The following ZNF761 variants were observed in gnomAD, a reference collection of about 807,000 sequenced individuals.
The protein encoded by ZNF761 is zinc finger protein 761.
A neutral mutation model predicts 59.9 loss-of-function variants in ZNF761; 43 were observed. The observed-to-expected ratio is 0.72, with a 90% CI of 0.56 to 0.92. The LOEUF (loss-of-function observed/expected upper bound fraction) is 0.92. ZNF761 is among the 40% of genes least tolerant of loss of function. ZNF761 has a pLI of 0.00. For synonymous variants in ZNF761, 294 were observed against 304.8 expected (o/e 0.96, Z 0.37); for missense variants, 850 against 906.1 (o/e 0.94, Z 0.79).
chr19:53,435,289 C>CTTTTTTTTGTTTTTTTTTT (rs2086027126), intron 1 of ZNF761, among the ~76,000 whole-genome samples: 1 of 53,590 alleles, frequency 1.9e-5, no homozygotes, highest in African/African-American at 8.1e-5. Flanking sequence ...AATACAAGTC[C>CTTTTTTTTGTTTTTTTTTT]TTTTTTTTTT....
intron 2 of ZNF761, among the ~76,000 whole-genome samples, chr19:53,446,781 C>T (rs182976154): frequency 7.2e-5 from 11 of 152,278 alleles, no homozygotes; most frequent in Admixed American, 1.3e-4. Flanking sequence ...GTAGCTTGGA[C>T]AACCATGCCT....
chr19:53,455,419 C>T lies in ZNF761; in HGVS notation c.912C>T (p.Asp304=). The T allele has an allele frequency of 6.2e-7, 1 of 1,613,498 alleles. No homozygotes were observed. Among genetic ancestry groups the T allele is most frequent in the Middle Eastern group, 1.6e-4 (1 of 6,062 alleles). Residue 304 remains aspartate (D), a synonymous_variant, in exon 5 of 5, where the codon GAC becomes GAT. Transcript: ENST00000684525. ...GEKPYKCEEC[D]KAFHFKSILE... Reference sequence around the variant, plus strand: ...AACCTTACAAATGTGAAGAATGTGACAAAGCTTTCCATTTCAAATCAATAC... The same window carrying T: ...AACCTTACAAATGTGAAGAATGTGATAAAGCTTTCCATTTCAAATCAATAC...
chr19:53,450,650 GCTA>G (rs1396384055), intron 4 of ZNF761, among the ~76,000 whole-genome samples: 2 of 152,002 alleles, frequency 1.3e-5, no homozygotes, highest in Admixed American at 1.3e-4. Flanking sequence ...TGTCGCCAAG[GCTA>G]CAGTTCAGTG....
intron 1 of ZNF761, among the ~76,000 whole-genome samples, chr19:53,433,030 T>C (rs58354543): frequency 0.62 from 90,242 of 146,268 alleles, 27,601 homozygotes; most frequent in African/African-American, 0.75. Context: ...TCTGGGGTGC[T>C]AGAGAGTGGG....
chr19:53,440,387 A>C (rs1405935854), intron 1 of ZNF761, among the ~76,000 whole-genome samples: 1 of 152,178 alleles, frequency 6.6e-6, no homozygotes, highest in African/African-American at 2.4e-5. Flanking sequence ...TTCACTGGGT[A>C]TGATTACTTG....
At chr19:53,443,327 A>G (rs2086119815) in intron 1 of ZNF761, 1 of 153,404 alleles carries the variant, frequency 6.5e-6, no homozygotes, top group African/African-American at 2.4e-5. Context: ...GATGGGATGG[A>G]TTGGCATGGA....
intron 1 of ZNF761, among the ~76,000 whole-genome samples, chr19:53,440,932 T>A (rs1321162162): frequency 6.6e-6 from 1 of 152,196 alleles, no homozygotes; most frequent in Non-Finnish European, 1.5e-5. Context: ...TGCCTTGGCC[T>A]CCCAAAATAC....
In ZNF761 at chr19:53,454,523, C is replaced by T. The variant is rs2147142539; in HGVS notation, c.143-127C>T. 9.5e-6 allele frequency: 9 copies of T among 946,138 alleles called. 1 individual carries two copies. In the South Asian group the frequency reaches 2.1e-4, roughly 22 times the overall value. 58.6% of individuals were successfully genotyped at this position (946,138 alleles called of 1,614,324 possible). On this transcript the variant is annotated intron_variant, in intron 4 of 4. Transcript: ENST00000684525. ...TTAAAGAATCTTATGCTTTTCTGTT[C>T]CTAAACTTTGAGGGTCATGTTTGGA...
In ZNF761 at chr19:53,454,764, G is replaced by C. The variant is rs1190057233; in HGVS notation, c.257G>C (p.Cys86Ser). ...GAAAGTCATCACAATGGAGATTTTT[G>C]CTACCAGGATGTTGATAAAGATATT... ...IHESHHNGDFCYQDVDKDIHD... is the reference protein window; with the variant it reads ...IHESHHNGDFSYQDVDKDIHD... The change falls in exon 5 of 5, where the codon TGC becomes TCC. Residue 86 changes from cysteine to serine, a missense_variant. Coordinates refer to ENST00000684525, the MANE Select transcript of ZNF761 (RefSeq NM_001289951.2). 1.2e-6 allele frequency: 2 copies of C among 1,613,964 alleles called. No individual in the cohort carries two copies. Among genetic ancestry groups the C allele is most frequent in the Non-Finnish European group, 1.7e-6 (2 of 1,180,018 alleles).
intron 4 of ZNF761, among the ~76,000 whole-genome samples, chr19:53,451,461 G>A (rs914347598): frequency 5.9e-5 from 9 of 152,082 alleles, no homozygotes; most frequent in African/African-American, 1.4e-4. Context: ...CACCAACCTC[G>A]GCCTCCTAAA....
chr19:53,449,930 G>C (rs960446114), intron 4 of ZNF761: 86 of 582,750 alleles, frequency 1.5e-4, no homozygotes, highest in Middle Eastern at 4.5e-4. Flanking sequence ...GAGCTCAAGA[G>C]ATCCTCCTCA....
rs756835913 is a variant in ZNF761 at position 53,455,241 on chromosome 19, A to T, written c.734A>T (p.Asp245Val). The change falls in exon 5 of 5, where the codon GAT becomes GTT. Residue 245 changes from aspartate to valine, a missense_variant. Asp to Val is a radical substitution (Grantham distance 152, BLOSUM62 -3). Transcript: ENST00000684525. ...IIHLADKYKC[D>V]VCGKLFNQKR... ...CATTTAGCAGACAAATATAAATGTG[A>T]TGTATGTGGCAAGCTCTTTAATCAG... 1.2e-6 allele frequency: 2 copies of T among 1,614,202 alleles called. No individual in the cohort carries two copies. The highest frequency in any genetic ancestry group is 2.2e-5 in the East Asian group (1 of 44,884).
rs2086274539 is a variant in ZNF761 at position 53,456,582 on chromosome 19, G to T, written c.2075G>T (p.Cys692Phe). The T allele has an allele frequency of 1.9e-6, 3 of 1,612,952 alleles. No individual in the cohort carries two copies. The highest frequency in any genetic ancestry group is 2.5e-6 in the Non-Finnish European group (3 of 1,179,278). The change falls in exon 5 of 5, where the codon TGT becomes TTT. Residue 692 changes from cysteine to phenylalanine, a missense_variant. Physicochemically the swap from Cys to Phe is radical, Grantham distance 205 (BLOSUM62 -2). Transcript: ENST00000684525. The stretch of plus-strand genomic sequence containing the variant: ...CATACTGGAGAGAAACCTTATAAGT[G>T]TAATGAGTGTGGCAAGAACTTTAGT... ...RLHTGEKPYK[C>F]NECGKNFSQK...
chr19:53,435,643 T>C (rs557407039), intron 1 of ZNF761, among the ~76,000 whole-genome samples: 6 of 152,084 alleles, frequency 3.9e-5, no homozygotes, highest in African/African-American at 1.4e-4. Flanking sequence ...TGTACACTCA[T>C]AATAAGTATG....
intron 1 of ZNF761, among the ~76,000 whole-genome samples, chr19:53,433,333 C>T (rs892694328): frequency 2.0e-5 from 3 of 151,128 alleles, no homozygotes; most frequent in Admixed American, 6.6e-5. Flanking sequence ...CTGGTGGCCT[C>T]GTAGCTGAGT....
In ZNF761 at chr19:53,450,901, A is replaced by C. The variant is rs556180754; in HGVS notation, c.142+1263A>C. Among the ~76,000 whole-genome samples the C allele has an allele frequency of 2.1e-3, 325 of 151,904 alleles. 1 individual carries two copies. The highest frequency in any genetic ancestry group is 3.8e-3 in the Non-Finnish European group (258 of 67,972). On this transcript the variant is annotated intron_variant, in intron 4 of 4. Transcript: ENST00000684525. ...ATCCTGCTACTCAAGTGTCTAATGC[A>C]GGAGAGTCACTTGAACCCAGGAGGT... is the stretch of plus-strand genomic sequence containing the variant.
intron 1 of ZNF761, among the ~76,000 whole-genome samples, chr19:53,435,026 C>A (rs112334916): frequency 6.6e-6 from 1 of 152,140 alleles, no homozygotes; most frequent in South Asian, 2.1e-4. Flanking sequence ...ATGGGGTAAC[C>A]TGCAGTCCGC....
chr19:53,445,363 G>T (rs377185476), intron 1 of ZNF761: 4 of 152,156 alleles, frequency 2.6e-5, no homozygotes, highest in African/African-American at 9.7e-5. Context: ...AGATGCTTCT[G>T]TAATTTTCAA....
At chr19:53,437,355 G>T (rs2708808) in intron 1 of ZNF761, among the ~76,000 whole-genome samples, 110,957 of 151,650 alleles carry the variant, frequency 0.73, 40,992 homozygotes, top group Non-Finnish European at 0.77. Context: ...ACATAACGTT[G>T]CTAATGCTGT....
Sources: allele counts gnomAD v4.1 joint callset (sites outside exome capture counted in the v4.1 genomes callset), GRCh38; gene constraint gnomAD v4.1.1; transcripts MANE v1.5; gene names NCBI Gene and HGNC (gene_info 2026-07-23, HGNC 2026-07-21).